COBLL1: variants seen among roughly 807,000 people sequenced by gnomAD.
The protein encoded by COBLL1 is cordon-bleu protein-like 1.
In COBLL1, 50 loss-of-function variants were observed where a neutral mutation model predicts 94.8. That is an observed-to-expected ratio of 0.53 (90% confidence interval 0.42 to 0.67). COBLL1 has a LOEUF of 0.67. COBLL1 is among the 30% of genes least tolerant of loss of function. The pLI, the probability that COBLL1 is intolerant of heterozygous loss-of-function variation, is 0.00. For missense variants in COBLL1, 1,362 were observed against 1,348.7 expected, an observed-to-expected ratio of 1.01 and a Z score of -0.15; for synonymous variants, 448 against 473.8, an observed-to-expected ratio of 0.95 and a Z score of 0.71.
At chr2:164,839,628 G>A (rs1249016009) in intron 2 of COBLL1, among the ~76,000 whole-genome samples, 1 of 152,102 alleles carries the variant, frequency 6.6e-6, no homozygotes, top group Admixed American at 6.5e-5. Context: ...GTTTTTTAAA[G>A]TACCTTAACC....
chr2:164,789,347 T>C (rs757243704), intron 2 of COBLL1, among the ~76,000 whole-genome samples: 4 of 152,094 alleles, frequency 2.6e-5, no homozygotes, highest in East Asian at 1.9e-4. Context: ...AGAGTGGTCA[T>C]GTGTGTTTAG....
chr2:164,830,183 T>A (rs1467009183), intron 2 of COBLL1, among the ~76,000 whole-genome samples: 2 of 152,224 alleles, frequency 1.3e-5, no homozygotes, highest in African/African-American at 4.8e-5. Context: ...CCCAAGGCTA[T>A]TCCTTTAATA....
chr2:164,718,198 C>A lies in COBLL1; in HGVS notation c.996+3877G>T, dbSNP rs73013677. On this transcript the variant is annotated intron_variant, in intron 7 of 13. Coordinates refer to ENST00000652658, the MANE Select transcript of COBLL1 (RefSeq NM_001365672.2). ...ATGTTTACTTATCAATTCTCTTGAA[C>A]ACCTACCATGTTACAGAATTTTGCT... 2,489 of 945,838 alleles carry A rather than the reference C, an allele frequency of 2.6e-3. 50 individuals carry two copies. The African/African-American group carries it at 0.041, about 16-fold the overall frequency. The allele number at this position is 945,838 out of a possible 1,614,324, so 58.6% of individuals were successfully genotyped here. A position where few individuals can be genotyped will look rare whatever the true frequency, so the allele number is the denominator to read the frequency against.
At chr2:164,810,220 A>G (rs1169692018) in intron 2 of COBLL1, among the ~76,000 whole-genome samples, 17 of 151,450 alleles carry the variant, frequency 1.1e-4, no homozygotes, top group Admixed American at 1.1e-3. Flanking sequence ...GGTATTTGGG[A>G]TATATTTATG....
intron 2 of COBLL1, among the ~76,000 whole-genome samples, chr2:164,822,729 ATATTATATTATTATTAT>A (rs1685227673): frequency 1.4e-5 from 1 of 69,318 alleles, no homozygotes; most frequent in Non-Finnish European, 3.0e-5. Context: ...TGAAAAGATT[ATATTATATTATTATTAT>A]TATTATTATT....
At chr2:164,794,030 TC>T (rs1683316151) in intron 2 of COBLL1, among the ~76,000 whole-genome samples, 1 of 152,154 alleles carries the variant, frequency 6.6e-6, no homozygotes, top group African/African-American at 2.4e-5. Flanking sequence ...CCATGTAGTC[TC>T]CTATTTATTA....
At chr2:164,669,146 G>A (rs962925082) in intron 1 of COBLL1, among the ~76,000 whole-genome samples, 20 of 152,060 alleles carry the variant, frequency 1.3e-4, no homozygotes, top group Admixed American at 2.6e-4. Flanking sequence ...CTCATTATCC[G>A]AAAGGGAAGA....
intron 13 of COBLL1, among the ~76,000 whole-genome samples, chr2:164,686,459 G>T (rs1268787622): frequency 1.3e-5 from 2 of 152,048 alleles, no homozygotes; most frequent in Non-Finnish European, 2.9e-5. Flanking sequence ...ATAAATTAAC[G>T]TGAAATCCCC....
rs1215549904 is a variant in COBLL1 at position 164,682,780 on chromosome 2, GC to G, written c.*3165del. ...AAATGAAGCATAGAGAAAGTAATTTGCCCAAGATCCCATGACTCATAAGTGG... is the reference window on the plus strand; with the variant it reads ...AAATGAAGCATAGAGAAAGTAATTTGCCAAGATCCCATGACTCATAAGTGG... On this transcript the variant is annotated 3_prime_UTR_variant, in exon 14 of 14. Transcript: ENST00000652658. The G allele has an allele frequency of 1.3e-5, 2 of 151,912 alleles. No individual in the cohort carries two copies. The highest frequency in any genetic ancestry group is 1.3e-4 in the Admixed American group (2 of 15,222). 9.4% of individuals were successfully genotyped at this position (151,912 alleles called of 1,614,324 possible).
Position 164,728,577 on chromosome 2 carries a change from T to C in COBLL1, c.433-380A>G, listed in dbSNP as rs535005193. ...ATTTTATCCTACCCTTTGAGGAATA[T>C]TTATCTTTCAAATAATTTCTCTATT... On this transcript the variant is annotated intron_variant, in intron 4 of 13. Coordinates refer to ENST00000652658, the MANE Select transcript of COBLL1 (RefSeq NM_001365672.2). 9.9e-5 allele frequency among the ~76,000 whole-genome samples: 15 copies of C among 152,194 alleles called. 1 individual carries two copies. The highest frequency in any genetic ancestry group is 3.4e-4 in the African/African-American group (14 of 41,568).
chr2:164,658,793 G>A (rs1048917355), intron 2 of COBLL1, among the ~76,000 whole-genome samples: 10 of 152,160 alleles, frequency 6.6e-5, no homozygotes, highest in Non-Finnish European at 1.3e-4. Context: ...GTCCTCATGA[G>A]GTTCCCCAAT....
intron 2 of COBLL1, among the ~76,000 whole-genome samples, chr2:164,830,720 C>G (rs1683035573): frequency 6.6e-6 from 1 of 152,118 alleles, no homozygotes; most frequent in African/African-American, 2.4e-5. Context: ...ATGAATTACT[C>G]TGGAATATTG....
downstream of COBLL1, chr2:164,680,166 A>C (rs1682969726): frequency 6.6e-6 from 1 of 152,080 alleles, no homozygotes; most frequent in African/African-American, 2.4e-5. Context: ...CCATATGAAT[A>C]GAGTGCAATC....
At chr2:164,702,760 T>A (rs112869282) in intron 9 of COBLL1, among the ~76,000 whole-genome samples, 2 of 152,054 alleles carry the variant, frequency 1.3e-5, no homozygotes, top group African/African-American at 4.8e-5. Context: ...ATCTTCCACC[T>A]CAGCCTCATG....
At chr2:164,663,205 A>G (rs1691099180) in intron 2 of COBLL1, among the ~76,000 whole-genome samples, 1 of 152,250 alleles carries the variant, frequency 6.6e-6, no homozygotes, top group Admixed American at 6.5e-5. Flanking sequence ...TTCAATGCAC[A>G]TACATTTGAA....
intron 2 of COBLL1, among the ~76,000 whole-genome samples, chr2:164,754,719 A>G (rs1687305175): frequency 6.6e-6 from 1 of 152,226 alleles, no homozygotes; most frequent in South Asian, 2.1e-4. Flanking sequence ...TTTGCAATCC[A>G]AGAACCTTTC....
intron 2 of COBLL1, among the ~76,000 whole-genome samples, chr2:164,812,064 G>GA (rs937721162): frequency 1.2e-3 from 179 of 147,904 alleles, no homozygotes; most frequent in Admixed American, 2.4e-3. Flanking sequence ...CTAAGGCTCT[G>GA]AAAAAAAAAA....
intron 2 of COBLL1, among the ~76,000 whole-genome samples, chr2:164,831,063 C>T (rs529025295): frequency 8.1e-4 from 124 of 152,300 alleles, no homozygotes; most frequent in African/African-American, 2.9e-3. Flanking sequence ...TGGCTCATGC[C>T]TATAATCCCA....
At chr2:164,748,729 G>T (rs1263012072) in intron 2 of COBLL1, among the ~76,000 whole-genome samples, 1 of 151,994 alleles carries the variant, frequency 6.6e-6, no homozygotes, top group Non-Finnish European at 1.5e-5. Context: ...TTTCACATAA[G>T]GGTAGGTGGA....
Sources: gnomAD v4.1 joint callset for allele counts (sites outside exome capture counted in the v4.1 genomes callset) on GRCh38, gnomAD v4.1.1 for gene constraint, MANE v1.5 for transcripts, NCBI Gene and HGNC (gene_info 2026-07-23, HGNC 2026-07-21) for gene names.